The following LRRC4C variants were observed in gnomAD, a reference collection of about 807,000 sequenced individuals.
The protein encoded by LRRC4C is leucine rich repeat containing 4C, also known as leucine-rich repeat-containing protein 4C.
LRRC4C carries 5 observed loss-of-function variants against 33.6 expected under a neutral mutation model. The observed-to-expected ratio is 0.15, with a 90% CI of 0.08 to 0.31. The LOEUF (loss-of-function observed/expected upper bound fraction) is 0.31. LRRC4C is among the 10% of genes least tolerant of loss of function. The pLI, the probability that LRRC4C is intolerant of heterozygous loss-of-function variation, is 1.00. For missense variants in LRRC4C, 560 were observed against 796.7 expected (o/e 0.70, Z 3.58); for synonymous variants, 329 against 302.0 (o/e 1.09, Z -0.93).
In LRRC4C at chr11:41,341,108, T is replaced by C. The variant is rs971669306; in HGVS notation, c.-496+118323A>G. ...CTTTACCTATATGTGAAAGTGATGATGTTGTCCTGTAACAAGGACTGAAGG... is the reference window on the plus strand; with the variant it reads ...CTTTACCTATATGTGAAAGTGATGACGTTGTCCTGTAACAAGGACTGAAGG... On this transcript the variant is annotated intron_variant, in intron 1 of 6. Transcript: ENST00000528697. Among the ~76,000 whole-genome samples the C allele has an allele frequency of 3.9e-4, 59 of 151,340 alleles. 1 individual carries two copies. Among genetic ancestry groups the C allele is most frequent in the Non-Finnish European group, 1.3e-4 (9 of 67,936 alleles).
At chr11:40,226,053 C>T (rs1030942364) in intron 5 of LRRC4C, among the ~76,000 whole-genome samples, 1 of 152,132 alleles carries the variant, frequency 6.6e-6, no homozygotes, top group African/African-American at 2.4e-5. Context: ...ATATAATTCT[C>T]CCTAAAACCA....
At chr11:40,539,175 C>A (rs1395326316) in intron 3 of LRRC4C, among the ~76,000 whole-genome samples, 2 of 152,166 alleles carry the variant, frequency 1.3e-5, no homozygotes, top group East Asian at 3.9e-4. Context: ...TCAGCAATGA[C>A]TCATTTATCA....
intron 1 of LRRC4C, among the ~76,000 whole-genome samples, chr11:41,157,177 G>A (rs1244877275): frequency 6.6e-6 from 1 of 152,008 alleles, no homozygotes; most frequent in South Asian, 2.1e-4. Context: ...CTAGTCTCAG[G>A]CATTCTACCA....
intron 2 of LRRC4C, among the ~76,000 whole-genome samples, chr11:40,657,318 G>A (rs368107339): frequency 1.3e-5 from 2 of 152,164 alleles, no homozygotes; most frequent in South Asian, 2.1e-4. Context: ...GAATTTTCTC[G>A]TATAAGTAGC....
intron 2 of LRRC4C, among the ~76,000 whole-genome samples, chr11:40,784,283 A>T (rs185161034): frequency 9.5e-4 from 145 of 152,238 alleles, no homozygotes; most frequent in Non-Finnish European, 1.9e-3. Flanking sequence ...GCCCAGGTTT[A>T]CCCTACAGAA....
In LRRC4C at chr11:41,389,746, C is replaced by T. The variant is rs999179661; in HGVS notation, c.-496+69685G>A. 3.3e-5 allele frequency among the ~76,000 whole-genome samples: 5 copies of T among 151,404 alleles called. No individual in the cohort carries two copies. In the South Asian group the frequency reaches 8.3e-4, roughly 25 times the overall value. ...CTGGACCAGACTGCTGGCCAGTGAT[C>T]GGGCATGTGCCTGGGCAAACACATA... On this transcript the variant is annotated intron_variant, in intron 1 of 6. Coordinates refer to ENST00000528697, the MANE Select transcript of LRRC4C (RefSeq NM_001258419.2).
At chr11:40,656,112 A>C (rs1488720111) in intron 2 of LRRC4C, among the ~76,000 whole-genome samples, 2 of 152,120 alleles carry the variant, frequency 1.3e-5, no homozygotes, top group Non-Finnish European at 2.9e-5. Context: ...GAGCCAAACC[A>C]TATCATGGAG....
chr11:41,004,277 C>T (rs1854579285), intron 1 of LRRC4C, among the ~76,000 whole-genome samples: 1 of 152,284 alleles, frequency 6.6e-6, no homozygotes, highest in Non-Finnish European at 1.5e-5. Flanking sequence ...TTAATGGCCC[C>T]TGTATCTGTT....
At chr11:41,175,573 A>G (rs1776441123) in intron 1 of LRRC4C, among the ~76,000 whole-genome samples, 1 of 151,908 alleles carries the variant, frequency 6.6e-6, no homozygotes, top group Admixed American at 6.6e-5. Context: ...TGTCACTTCC[A>G]CCTACATTTA....
intron 1 of LRRC4C, among the ~76,000 whole-genome samples, chr11:41,367,789 G>C (rs1952599525): frequency 6.6e-6 from 1 of 152,052 alleles, no homozygotes; most frequent in South Asian, 2.1e-4. Flanking sequence ...TAGCCACAAA[G>C]AGCATCCCAA....
At chr11:40,495,830 T>G (rs1298341029) in intron 3 of LRRC4C, among the ~76,000 whole-genome samples, 11 of 46,700 alleles carry the variant, frequency 2.4e-4, no homozygotes, top group African/African-American at 4.1e-4. Context: ...TTTTTTTTTT[T>G]TTTTTTTTTT....
At chr11:40,169,674 A>G (rs1482248935) in intron 5 of LRRC4C, among the ~76,000 whole-genome samples, 2 of 152,086 alleles carry the variant, frequency 1.3e-5, no homozygotes, top group Non-Finnish European at 2.9e-5. Flanking sequence ...TTTCATTTCC[A>G]TTTTCATTGT....
chr11:41,331,555 G>A (rs1951294454), intron 1 of LRRC4C, among the ~76,000 whole-genome samples: 1 of 152,142 alleles, frequency 6.6e-6, no homozygotes, highest in Non-Finnish European at 1.5e-5. Flanking sequence ...TCTGCTCCCA[G>A]CACAGTAGAC....
chr11:40,936,060 ATAT>A (rs1565219400), intron 1 of LRRC4C, among the ~76,000 whole-genome samples: 6 of 103,144 alleles, frequency 5.8e-5, no homozygotes, highest in African/African-American at 1.1e-4. Flanking sequence ...ATATATATAT[ATAT>A]ATAACATAGT....
At chr11:40,328,530 A>G (rs972335166) in intron 3 of LRRC4C, among the ~76,000 whole-genome samples, 3 of 152,186 alleles carry the variant, frequency 2.0e-5, no homozygotes, top group Non-Finnish European at 2.9e-5. Context: ...AATCCACGTC[A>G]TCATACTCTT....
chr11:41,194,622 C>A (rs1211514329), intron 1 of LRRC4C, among the ~76,000 whole-genome samples: 1 of 152,022 alleles, frequency 6.6e-6, no homozygotes, highest in Non-Finnish European at 1.5e-5. Context: ...TAGCAAGAAG[C>A]AGAGGCCCCC....
intron 1 of LRRC4C, among the ~76,000 whole-genome samples, chr11:41,010,307 CT>C (rs1855080684): frequency 6.6e-6 from 1 of 152,100 alleles, no homozygotes; most frequent in African/African-American, 2.4e-5. Context: ...GCCATGCAGT[CT>C]TTTGAGTACT....
At chr11:40,708,726 G>T (rs1379195306) in intron 2 of LRRC4C, among the ~76,000 whole-genome samples, 1 of 152,134 alleles carries the variant, frequency 6.6e-6, no homozygotes, top group Non-Finnish European at 1.5e-5. Flanking sequence ...TATTAGGTCT[G>T]CTTGGTGTAG....
At chr11:41,438,056 A>AATAAATAC (rs1409371683) in intron 1 of LRRC4C, among the ~76,000 whole-genome samples, 1 of 146,274 alleles carries the variant, frequency 6.8e-6, no homozygotes, top group Non-Finnish European at 1.5e-5. Flanking sequence ...TAAATAAATA[A>AATAAATAC]ATAAATAAAT....
Sources: allele counts gnomAD v4.1 joint callset (sites outside exome capture counted in the v4.1 genomes callset), GRCh38; gene constraint gnomAD v4.1.1; transcripts MANE v1.5; gene names NCBI Gene and HGNC (gene_info 2026-07-23, HGNC 2026-07-21).